CNTLN: variants seen among roughly 807,000 people sequenced by gnomAD.
The protein encoded by CNTLN is centlein, centrosomal protein.
CNTLN carries 212 observed loss-of-function variants against 180.0 expected under a neutral mutation model. That is an observed-to-expected ratio of 1.18 (90% confidence interval 1.05 to 1.32). The LOEUF is 1.32. Ranked by LOEUF, CNTLN falls within the 40% of genes most tolerant of loss-of-function variation. The probability of loss-of-function intolerance (pLI) is 0.00; values close to 1 mark genes in which losing one functional copy is unlikely to be tolerated. For synonymous variants in CNTLN, 722 were observed against 563.1 expected, an observed-to-expected ratio of 1.28 and a Z score of -3.99; for missense variants, 2,095 against 1,610.9, an observed-to-expected ratio of 1.30 and a Z score of -5.14.
intron 2 of CNTLN, among the ~76,000 whole-genome samples, chr9:17,192,751 A>G (rs886753932): frequency 2.6e-5 from 4 of 152,350 alleles, no homozygotes; most frequent in African/African-American, 9.6e-5. Context: ...GTCAGGAAAA[A>G]GAAGACAACA....
At chr9:17,171,486 G>T (rs370274160) in intron 2 of CNTLN, among the ~76,000 whole-genome samples, 1 of 152,202 alleles carries the variant, frequency 6.6e-6, no homozygotes, top group Non-Finnish European at 1.5e-5. Flanking sequence ...TGTGTTACAA[G>T]GTGTCTGCAG....
At chr9:17,518,931 G>C in the CNTLN span, among the ~76,000 whole-genome samples, 1 of 152,132 alleles carries the variant, frequency 6.6e-6, no homozygotes, top group Admixed American at 6.5e-5. Context: ...ACTGAGACTT[G>C]TTTGTTTAGT....
chr9:17,490,561 T>C (rs2383025), intron 25 of CNTLN, among the ~76,000 whole-genome samples: 75,092 of 151,818 alleles, frequency 0.49, 19,186 homozygotes, highest in South Asian at 0.71. Context: ...ACAGTATGTT[T>C]GTGGTTGCCA....
intron 23 of CNTLN, among the ~76,000 whole-genome samples, chr9:17,472,921 C>G (rs780637139): frequency 6.6e-6 from 1 of 152,094 alleles, no homozygotes; most frequent in Non-Finnish European, 1.5e-5. Flanking sequence ...ATTACTACCA[C>G]CCTCCTTCCC....
chr9:17,138,485 C>T (rs1162545953), intron 1 of CNTLN, among the ~76,000 whole-genome samples: 3 of 152,096 alleles, frequency 2.0e-5, no homozygotes, highest in Non-Finnish European at 4.4e-5. Context: ...AGAAGTCAGC[C>T]AGTTATATTT....
intron 13 of CNTLN, among the ~76,000 whole-genome samples, chr9:17,378,484 T>A (rs529641392): frequency 5.4e-4 from 82 of 152,218 alleles, no homozygotes; most frequent in Non-Finnish European, 1.0e-3. Flanking sequence ...CGGCCTTCTT[T>A]TGTTCTTTCT....
chr9:17,275,477 TATC>T (rs562537652), intron 6 of CNTLN, among the ~76,000 whole-genome samples: 160 of 152,232 alleles, frequency 1.1e-3, no homozygotes, highest in Middle Eastern at 0.01. Flanking sequence ...TCACAGATGT[TATC>T]ATGTTTTGGG....
chr9:17,469,422 A>G (rs1369702422), intron 23 of CNTLN, among the ~76,000 whole-genome samples: 2 of 151,696 alleles, frequency 1.3e-5, no homozygotes, highest in Non-Finnish European at 3.0e-5. Context: ...AGCCAAAACC[A>G]TATATTGATG....
At chr9:17,138,995 G>A (rs1286815553) in intron 1 of CNTLN, among the ~76,000 whole-genome samples, 1 of 152,046 alleles carries the variant, frequency 6.6e-6, no homozygotes, top group African/African-American at 2.4e-5. Flanking sequence ...TAAACTTTGT[G>A]AAAATGATTA....
At chr9:17,203,684 G>A (rs1028449448) in intron 2 of CNTLN, among the ~76,000 whole-genome samples, 2 of 152,168 alleles carry the variant, frequency 1.3e-5, no homozygotes, top group African/African-American at 4.8e-5. Context: ...AGCCTCCTGA[G>A]TAGCCGGGAC....
chr9:17,338,034 T>TTA (rs1441626115), intron 10 of CNTLN, among the ~76,000 whole-genome samples: 1 of 152,164 alleles, frequency 6.6e-6, no homozygotes, highest in Non-Finnish European at 1.5e-5. Context: ...GTCTTTAACA[T>TTA]AAGATACACA....
chr9:17,412,583 A>G (rs925296686), intron 16 of CNTLN, among the ~76,000 whole-genome samples: 1 of 152,246 alleles, frequency 6.6e-6, no homozygotes, highest in Non-Finnish European at 1.5e-5. Context: ...TAAATAAATT[A>G]CATGACATAT....
At chr9:17,207,327 G>A (rs978145476) in intron 2 of CNTLN, among the ~76,000 whole-genome samples, 2 of 152,074 alleles carry the variant, frequency 1.3e-5, no homozygotes, top group African/African-American at 2.4e-5. Context: ...TCCCTTGCGC[G>A]TTTCCCACAC....
chr9:17,257,221 G>A (rs1452316891), intron 5 of CNTLN, among the ~76,000 whole-genome samples: 3 of 151,672 alleles, frequency 2.0e-5, no homozygotes, highest in Non-Finnish European at 4.4e-5. Flanking sequence ...GTGAGAATAT[G>A]CGGTGTTTGG....
At chr9:17,465,786 T>A (rs1831711551) in intron 21 of CNTLN, among the ~76,000 whole-genome samples, 195 bp from the exon 22 acceptor site, 1 of 151,292 alleles carries the variant, frequency 6.6e-6, no homozygotes, top group Admixed American at 6.6e-5. Context: ...GCAATTTTAG[T>A]TTTTGTTACT....
chr9:17,364,840 G>A (rs1030398007), intron 12 of CNTLN, among the ~76,000 whole-genome samples: 40 of 152,156 alleles, frequency 2.6e-4, no homozygotes, highest in Middle Eastern at 3.4e-3. Context: ...GATTGTTCAT[G>A]TTTCTGTAAA....
chr9:17,149,538 G>A (rs555072051), intron 2 of CNTLN, among the ~76,000 whole-genome samples: 1 of 112,416 alleles, frequency 8.9e-6, no homozygotes, highest in Admixed American at 1.1e-4. Flanking sequence ...TTTTTTTAGA[G>A]ACTGGGTCTC....
chr9:17,458,421 G>C (rs1362677361), intron 19 of CNTLN, among the ~76,000 whole-genome samples: 2 of 151,854 alleles, frequency 1.3e-5, no homozygotes, highest in African/African-American at 4.8e-5. Context: ...GGGATTGCTA[G>C]CTAGAAGCTA....
rs1367850232 is a variant in CNTLN at position 17,277,665 on chromosome 9, A to T, written c.983+3799A>T. Among the ~76,000 whole-genome samples, 3 of 152,116 alleles carry T rather than the reference A, an allele frequency of 2.0e-5. No homozygotes were observed. In the East Asian group the frequency reaches 5.8e-4, roughly 29 times the overall value. ...AATAATTTATATATAGTTTAAACTA[A>T]TAAGTTTATCATGCTTGGTGGATAC... On this transcript the variant is annotated intron_variant, in intron 6 of 25. Coordinates refer to ENST00000380647, the MANE Select transcript of CNTLN (RefSeq NM_017738.4).
Sources: allele counts gnomAD v4.1 joint callset (sites outside exome capture counted in the v4.1 genomes callset), GRCh38; gene constraint gnomAD v4.1.1; transcripts MANE v1.5; gene names NCBI Gene and HGNC (gene_info 2026-07-23, HGNC 2026-07-21).